Variants in ANKRD12 observed in about 807,000 individuals in gnomAD.
ANKRD12 encodes ankyrin repeat domain-containing protein 12.
Under a neutral mutation model 183.4 loss-of-function variants are expected in ANKRD12, and 85 were observed. The observed-to-expected ratio is 0.46, with a 90% CI of 0.39 to 0.56. ANKRD12 has a LOEUF of 0.56. ANKRD12 is among the 20% of genes least tolerant of loss of function. The pLI, the probability that ANKRD12 is intolerant of heterozygous loss-of-function variation, is 0.00. For synonymous variants in ANKRD12, 914 were observed against 800.2 expected, an observed-to-expected ratio of 1.14 and a Z score of -2.40; for missense variants, 2,405 against 2,357.1, an observed-to-expected ratio of 1.02 and a Z score of -0.42.
At chr18:9,199,414 A>G (rs1274453466) in intron 3 of ANKRD12, among the ~76,000 whole-genome samples, 1 of 152,242 alleles carries the variant, frequency 6.6e-6, no homozygotes, top group African/African-American at 2.4e-5. Flanking sequence ...ATGTATATTA[A>G]CACATGGAAA....
intron 1 of ANKRD12, among the ~76,000 whole-genome samples, chr18:9,164,699 G>A (rs1173406544): frequency 1.3e-5 from 2 of 152,106 alleles, no homozygotes; most frequent in African/African-American, 4.8e-5. Context: ...GTAGTTATGT[G>A]GTTTTGAGTG....
In ANKRD12 at chr18:9,162,848, G is replaced by A. The variant is rs111458534; in HGVS notation, c.-51-19534G>A. Among the ~76,000 whole-genome samples the A allele has an allele frequency of 1.5e-3, 221 of 151,976 alleles. 1 individual carries two copies. Among genetic ancestry groups the A allele is most frequent in the African/African-American group, 5.1e-3 (211 of 41,446 alleles). ...TGTTGGCTGCATGAATTCTTTTCTCGAAAAGTGTCTGTTCATGTTCTTTGC... is the reference window on the plus strand; with the variant it reads ...TGTTGGCTGCATGAATTCTTTTCTCAAAAAGTGTCTGTTCATGTTCTTTGC... On this transcript the variant is annotated intron_variant, in intron 1 of 12. Transcript: ENST00000262126.
chr18:9,216,052 A>ATTTTTTTTTTTTTTTTT (rs2036086344), intron 6 of ANKRD12, among the ~76,000 whole-genome samples: 1 of 147,450 alleles, frequency 6.8e-6, no homozygotes, highest in African/African-American at 2.5e-5. Flanking sequence ...TCCTTGTATG[A>ATTTTTTTTTTTTTTTTT]TCCAGGCACT....
intron 8 of ANKRD12, among the ~76,000 whole-genome samples, chr18:9,252,372 G>C (rs1310194820): frequency 6.6e-6 from 1 of 152,198 alleles, no homozygotes; most frequent in African/African-American, 2.4e-5. Flanking sequence ...ATGGCACTGA[G>C]AAACCAGCGT....
intron 1 of ANKRD12, among the ~76,000 whole-genome samples, chr18:9,155,563 T>G (rs932499833): frequency 5.9e-5 from 9 of 152,240 alleles, no homozygotes; most frequent in Non-Finnish European, 1.2e-4. Flanking sequence ...GGAGAATATA[T>G]CCCAATTTTT....
chr18:9,182,413 G>C lies in ANKRD12; in HGVS notation c.-20G>C. 1 of 1,560,056 alleles carries C rather than the reference G, an allele frequency of 6.4e-7. No individual in the cohort carries two copies. The highest frequency in any genetic ancestry group is 8.8e-7 in the Non-Finnish European group (1 of 1,139,150). ...GATGAGAAGACTGATAAAAGAAGAA[G>C]CTAGCTGAACAGCTGTAAAATGCCC... On this transcript the variant is annotated 5_prime_UTR_variant, in exon 2 of 13. Transcript: ENST00000262126.
At chr18:9,239,439 T>C (rs1598654913) in intron 8 of ANKRD12, 2 of 973,432 alleles carry the variant, frequency 2.1e-6, no homozygotes, top group Non-Finnish European at 2.8e-6. Flanking sequence ...TGATCTTGAT[T>C]GTTTCATGTG....
At chr18:9,184,296 G>A (rs1443159787) in intron 2 of ANKRD12, among the ~76,000 whole-genome samples, 2 of 152,144 alleles carry the variant, frequency 1.3e-5, no homozygotes, top group Non-Finnish European at 1.5e-5. Flanking sequence ...ACTATCTGGT[G>A]TAAGAATTTT....
intron 8 of ANKRD12, among the ~76,000 whole-genome samples, chr18:9,247,144 TTTTGTTTG>T (rs142132342): frequency 1.2e-4 from 18 of 152,026 alleles, no homozygotes; most frequent in African/African-American, 2.7e-4. Context: ...GAAATAATGA[TTTTGTTTG>T]TTTGTTTGTT....
chr18:9,199,400 CAT>C (rs1170169013), intron 3 of ANKRD12, among the ~76,000 whole-genome samples: 1 of 152,142 alleles, frequency 6.6e-6, no homozygotes, highest in Admixed American at 6.6e-5. Flanking sequence ...TACGTGCACA[CAT>C]GATGTATATT....
At chr18:9,187,127 T>A (rs950820917) in intron 2 of ANKRD12, among the ~76,000 whole-genome samples, 1 of 152,056 alleles carries the variant, frequency 6.6e-6, no homozygotes, top group South Asian at 2.1e-4. Flanking sequence ...TTTTTCCCCA[T>A]AACATTTTTA....
intron 5 of ANKRD12, among the ~76,000 whole-genome samples, chr18:9,211,235 A>G (rs2035787085): frequency 6.6e-6 from 1 of 152,204 alleles, no homozygotes; most frequent in Non-Finnish European, 1.5e-5. Context: ...CACTTCCTCT[A>G]GGTCTTAGAA....
chr18:9,250,513 A>G lies in ANKRD12; in HGVS notation c.944-3698A>G, dbSNP rs374928126. 7.8e-4 allele frequency among the ~76,000 whole-genome samples: 119 copies of G among 152,128 alleles called. 1 individual carries two copies. The highest frequency in any genetic ancestry group is 2.8e-3 in the African/African-American group (117 of 41,506). ...GTGGGAGGATTACTTGAGGCCAGGAATTCGAGACCACCCTGGGCAACATAG... is the reference window on the plus strand; with the variant it reads ...GTGGGAGGATTACTTGAGGCCAGGAGTTCGAGACCACCCTGGGCAACATAG... On this transcript the variant is annotated intron_variant, in intron 8 of 12. Coordinates refer to ENST00000262126, the MANE Select transcript of ANKRD12 (RefSeq NM_015208.5).
At chr18:9,218,131 A>T (rs1003068240) in intron 7 of ANKRD12, among the ~76,000 whole-genome samples, 1 of 152,208 alleles carries the variant, frequency 6.6e-6, no homozygotes, top group Non-Finnish European at 1.5e-5. Context: ...CCCGATTTCT[A>T]AGTGTAATTT....
rs767979927 is a variant in ANKRD12 at position 9,258,121 on chromosome 18, A to G, written c.4854A>G (p.Glu1618=). ...KLTYKSSSGH[E]VENSTTDTQV... is the part of the protein sequence containing the mutation. The stretch of plus-strand genomic sequence containing the variant: ...CTTACAAGTCTTCCAGTGGCCATGA[A>G]GTTGAGAATAGCACAACTGATACTC... Residue 1618 remains glutamate, a synonymous_variant, in exon 9 of 13, where the codon GAA becomes GAG. Coordinates refer to ENST00000262126, the MANE Select transcript of ANKRD12 (RefSeq NM_015208.5). 1.4e-5 allele frequency: 22 copies of G among 1,613,624 alleles called. No homozygotes were observed. Among genetic ancestry groups the G allele is most frequent in the Non-Finnish European group, 1.9e-5 (22 of 1,179,988 alleles).
chr18:9,211,504 C>T, intron 5 of ANKRD12, 80 bp from the exon 6 acceptor site: 1 of 1,275,202 alleles, frequency 7.8e-7, no homozygotes, highest in Non-Finnish European at 1.1e-6. Context: ...AGGAGATTAG[C>T]ATATTACCAA....
chr18:9,271,896 C>G (rs1052588847), intron 10 of ANKRD12, among the ~76,000 whole-genome samples: 1 of 152,156 alleles, frequency 6.6e-6, no homozygotes, highest in Admixed American at 6.5e-5. Flanking sequence ...CCTATTCTAT[C>G]TTCAGGTTTC....
rs759394699 is a variant in ANKRD12 at position 9,283,345 on chromosome 18, C to T, written c.*2219C>T. The T allele has an allele frequency of 7.9e-5, 12 of 152,188 alleles. No individual in the cohort carries two copies. Among genetic ancestry groups the T allele is most frequent in the Non-Finnish European group, 1.5e-4 (10 of 68,006 alleles). 9.4% of individuals were successfully genotyped at this position (152,188 alleles called of 1,614,324 possible). Reference sequence around the variant, plus strand: ...TTTAGTCTTAACCACAGTTCTCACTCTCTTAAATGGTACCTCAAAAAGCTG... The same window carrying T: ...TTTAGTCTTAACCACAGTTCTCACTTTCTTAAATGGTACCTCAAAAAGCTG... On this transcript the variant is annotated 3_prime_UTR_variant, in exon 13 of 13. Coordinates refer to ENST00000262126, the MANE Select transcript of ANKRD12 (RefSeq NM_015208.5).
In ANKRD12 at chr18:9,150,115, A is replaced by G. The variant is rs570262188; in HGVS notation, c.-52+13150A>G. On this transcript the variant is annotated intron_variant, in intron 1 of 12. Coordinates refer to ENST00000262126, the MANE Select transcript of ANKRD12 (RefSeq NM_015208.5). ...GGCCTGTAATGTATTTATTTTGTAT[A>G]GTCTTCTGAATTCTTTGTCAGGCTC... is the stretch of plus-strand genomic sequence containing the variant. Among the ~76,000 whole-genome samples, 17 of 152,208 alleles carry G rather than the reference A, an allele frequency of 1.1e-4. No homozygotes were observed. In the East Asian group the frequency reaches 2.9e-3, roughly 26 times the overall value.
Sources: allele counts gnomAD v4.1 joint callset (sites outside exome capture counted in the v4.1 genomes callset), GRCh38; gene constraint gnomAD v4.1.1; transcripts MANE v1.5; gene names NCBI Gene and HGNC (gene_info 2026-07-23, HGNC 2026-07-21).